The following GRM4 variants were observed in gnomAD, a reference collection of about 807,000 sequenced individuals.
The protein encoded by GRM4 is metabotropic glutamate receptor 4.
In GRM4, 28 loss-of-function variants were observed where a neutral mutation model predicts 81.7. The ratio of observed to expected loss-of-function variants is 0.34; its 90% CI spans 0.25 to 0.47. The LOEUF is 0.47. GRM4 is among the 20% of genes least tolerant of loss of function. The pLI is 1.00. For missense variants in GRM4, 948 were observed against 1,290.0 expected (o/e 0.73, Z 4.06); for synonymous variants, 488 against 528.8 (o/e 0.92, Z 1.06).
At chr6:34,052,507 G>A (rs1279751473) in intron 6 of GRM4, among the ~76,000 whole-genome samples, 1 of 152,218 alleles carries the variant, frequency 6.6e-6, no homozygotes, top group Non-Finnish European at 1.5e-5. Flanking sequence ...GGGAAGGAAT[G>A]GATTTGGCAA....
Position 34,035,449 on chromosome 6 carries a change from A to C in GRM4, c.2442+219T>G, listed in dbSNP as rs964723901. Among the ~76,000 whole-genome samples, 1 of 151,420 alleles carries C rather than the reference A, an allele frequency of 6.6e-6. No individual in the cohort carries two copies. The highest frequency in any genetic ancestry group is 1.5e-5 in the Non-Finnish European group (1 of 67,908). On this transcript the variant is annotated intron_variant, in intron 9 of 10. Transcript: ENST00000538487. The surrounding 1 kb of genome is among the most constrained non-coding windows in gnomAD (Gnocchi z 6.6). ...AGAGGGAGAGGGGCAAAAACAGAGA[A>C]AGAGGAGAGAAAACCCAGAACCCAG...
intron 1 of GRM4, among the ~76,000 whole-genome samples, chr6:34,153,405 G>C (rs1453835505): frequency 1.3e-5 from 2 of 152,216 alleles, no homozygotes; most frequent in East Asian, 3.9e-4. Context: ...TCCATCCTCA[G>C]GACTGCTGGG....
chr6:34,028,204 T>C lies in GRM4; in HGVS notation c.2605A>G (p.Met869Val), dbSNP rs1764231008. The change falls in exon 10 of 11, where the codon ATG (methionine) becomes GTG (valine). Residue 869 changes from methionine to valine, a missense_variant. Transcript: ENST00000538487. ...SLKAVVTAAT[M>V]SNKFTQKGNF... ...CCCTTCTGCGTGAACTTGTTGGACA[T>C]GGTGGCCGCCGTAACGACGGCTTTG... is the stretch of plus-strand genomic sequence containing the variant. 35 of 1,613,870 alleles carry C rather than the reference T, an allele frequency of 2.2e-5. No homozygotes were observed. The highest frequency in any genetic ancestry group is 2.7e-5 in the Non-Finnish European group (32 of 1,179,988).
At chr6:34,145,753 T>C (rs1404711930) in intron 1 of GRM4, among the ~76,000 whole-genome samples, 1 of 152,100 alleles carries the variant, frequency 6.6e-6, no homozygotes, top group African/African-American at 2.4e-5. Flanking sequence ...ACGAGACCAA[T>C]CCGGCAAGTT....
chr6:34,082,608 G>A (rs766800163), intron 3 of GRM4, among the ~76,000 whole-genome samples: 58 of 152,324 alleles, frequency 3.8e-4, no homozygotes, highest in East Asian at 9.6e-4. Context: ...AACTCAGCCC[G>A]CCTCCCAGCC....
At position 34,070,837 on chromosome 6, in the gene GRM4, C is replaced by T. The variant is rs1337097045; in HGVS notation, c.737-8809G>A. On this transcript the variant is annotated intron_variant, in intron 3 of 10. Coordinates refer to ENST00000538487, the MANE Select transcript of GRM4 (RefSeq NM_000841.4). The surrounding 1 kb of genome is among the most constrained non-coding windows in gnomAD (Gnocchi z 4.6). Reference sequence around the variant, plus strand: ...ACACACACGGCAATGCACACCCTTACAAAATCACATACTACACACCACCAC... The same window carrying T: ...ACACACACGGCAATGCACACCCTTATAAAATCACATACTACACACCACCAC... 7.2e-6 allele frequency among the ~76,000 whole-genome samples: 1 copy of T among 139,692 alleles called. No individual in the cohort carries two copies. The highest frequency in any genetic ancestry group is 1.5e-5 in the Non-Finnish European group (1 of 65,060). The allele number at this position is 139,692 out of a possible 152,430, so 91.6% of individuals were successfully genotyped here. A position where few individuals can be genotyped will look rare whatever the true frequency, so the allele number is the denominator to read the frequency against.
intron 2 of GRM4, among the ~76,000 whole-genome samples, chr6:34,108,952 A>C (rs1366928363): frequency 2.0e-5 from 3 of 152,028 alleles, no homozygotes; most frequent in African/African-American, 4.8e-5. Context: ...CCCACCTGTG[A>C]TAGTGCTTTC....
rs898255886 is a variant in GRM4, at chr6:34,078,965, C to T, written c.736+12918G>A. Among the ~76,000 whole-genome samples the T allele has an allele frequency of 1.3e-5, 2 of 152,314 alleles. No homozygotes were observed. The highest frequency in any genetic ancestry group is 6.5e-5 in the Admixed American group (1 of 15,308). Reference sequence around the variant, plus strand: ...AACGGGAGGCTGAGAGAGGCCCAGGCGCACCCCCAGGTCTGAGGCCTCAGA... The same window carrying T: ...AACGGGAGGCTGAGAGAGGCCCAGGTGCACCCCCAGGTCTGAGGCCTCAGA... On this transcript the variant is annotated intron_variant, in intron 3 of 10. Coordinates refer to ENST00000538487, the MANE Select transcript of GRM4 (RefSeq NM_000841.4). The surrounding 1 kb of genome is among the most constrained non-coding windows in gnomAD (Gnocchi z 4.8).
chr6:34,075,943 C>T (rs1767290881), intron 3 of GRM4, among the ~76,000 whole-genome samples: 1 of 152,178 alleles, frequency 6.6e-6, no homozygotes, highest in South Asian at 2.1e-4. Context: ...CCCCAGATAC[C>T]CTGGGAATGG....
intron 2 of GRM4, among the ~76,000 whole-genome samples, chr6:34,125,907 C>T (rs1770003603): frequency 6.6e-6 from 1 of 152,230 alleles, no homozygotes; most frequent in Non-Finnish European, 1.5e-5. Flanking sequence ...TTCGGACAAC[C>T]CTTTCTCTCC....
intron 10 of GRM4, chr6:34,024,758 C>T (rs996888455): frequency 6.6e-6 from 3 of 455,884 alleles, no homozygotes; most frequent in Admixed American, 2.4e-5. Flanking sequence ...ATCACTTAGC[C>T]GGATGGTGGT....
upstream of GRM4, among the ~76,000 whole-genome samples, chr6:34,148,432 T>C (rs186839204): frequency 7.1e-4 from 107 of 149,740 alleles, no homozygotes; most frequent in African/African-American, 2.5e-3. Context: ...ACACACACAC[T>C]GAGAGACACA....
chr6:34,099,762 C>T (rs887118472), intron 2 of GRM4, among the ~76,000 whole-genome samples: 1 of 152,150 alleles, frequency 6.6e-6, no homozygotes, highest in Admixed American at 6.5e-5. Flanking sequence ...TGGCGGGGGG[C>T]ACCTGGGCAG....
In GRM4 at chr6:34,068,434, C is replaced by T. The variant is rs1280062998; in HGVS notation, c.737-6406G>A. On this transcript the variant is annotated intron_variant, in intron 3 of 10. Coordinates refer to ENST00000538487, the MANE Select transcript of GRM4 (RefSeq NM_000841.4). The surrounding 1 kb of genome is among the most constrained non-coding windows in gnomAD (Gnocchi z 4.2). ...TGAGCCTGAGGTGAGCTTAGGTTTA[C>T]AGGAGGTCTGACCGTGGCAGGACCC... Among the ~76,000 whole-genome samples, 2 of 152,168 alleles carry T rather than the reference C, an allele frequency of 1.3e-5. No homozygotes were observed. Among genetic ancestry groups the T allele is most frequent in the Non-Finnish European group, 2.9e-5 (2 of 68,024 alleles).
intron 2 of GRM4, among the ~76,000 whole-genome samples, chr6:34,113,147 C>T (rs1313305773): frequency 6.6e-6 from 1 of 151,400 alleles, no homozygotes; most frequent in East Asian, 1.9e-4. Flanking sequence ...TTCCCTCCCT[C>T]CCTTCCTTCC....
chr6:34,066,800 C>G (rs1416559305), intron 3 of GRM4, among the ~76,000 whole-genome samples: 1 of 152,022 alleles, frequency 6.6e-6, no homozygotes, highest in African/African-American at 2.4e-5. Flanking sequence ...AAATCTGGGC[C>G]ACAGAACCCC....
chr6:34,139,601 G>A (rs1167043765), intron 1 of GRM4, among the ~76,000 whole-genome samples: 1 of 152,126 alleles, frequency 6.6e-6, no homozygotes, highest in African/African-American at 2.4e-5. Flanking sequence ...GACCAGGCTG[G>A]GAGCACATTA....
chr6:34,096,000 A>G (rs1768499317), intron 2 of GRM4, among the ~76,000 whole-genome samples: 1 of 152,122 alleles, frequency 6.6e-6, no homozygotes, highest in South Asian at 2.1e-4. Context: ...ACATTCTCTG[A>G]GGAGAATGCT....
At chr6:34,100,684 T>C (rs997179949) in intron 2 of GRM4, among the ~76,000 whole-genome samples, 2 of 152,236 alleles carry the variant, frequency 1.3e-5, no homozygotes, top group African/African-American at 4.8e-5. Context: ...ACAGAGCTAA[T>C]GCTGGGTGCT....
Sources: allele counts gnomAD v4.1 joint callset (sites outside exome capture counted in the v4.1 genomes callset), GRCh38; gene constraint gnomAD v4.1.1; non-coding constraint Gnocchi (gnomAD v3.1); transcripts MANE v1.5; gene names NCBI Gene and HGNC (gene_info 2026-07-23, HGNC 2026-07-21).